The following ZNF236 variants were observed in gnomAD, a reference collection of about 807,000 sequenced individuals.
ZNF236 encodes the protein zinc finger protein 236, also known as regulated by glucose.
In ZNF236, 50 loss-of-function variants were observed where a neutral mutation model predicts 191.2. That is an observed-to-expected ratio of 0.26 (90% confidence interval 0.21 to 0.33). The LOEUF (loss-of-function observed/expected upper bound fraction) is 0.33. ZNF236 is among the 10% of genes least tolerant of loss of function. The pLI is 1.00. For missense variants in ZNF236, 1,754 were observed against 2,374.5 expected, an observed-to-expected ratio of 0.74 and a Z score of 5.43; for synonymous variants, 907 against 928.8, an observed-to-expected ratio of 0.98 and a Z score of 0.43.
At chr18:76,895,459 C>A in intron 10 of ZNF236, 174 bp downstream of exon 10, 1 of 921,032 alleles carries the variant, frequency 1.1e-6, no homozygotes, top group Non-Finnish European at 1.6e-6. Context: ...TAAGTGTGGC[C>A]CGCAATGCAG....
rs201060329 is a variant in ZNF236, at chr18:76,919,891, G to A, written c.3390G>A (p.Pro1130=). 5.7e-4 allele frequency: 920 copies of A among 1,614,214 alleles called. No homozygotes were observed. The highest frequency in any genetic ancestry group is 6.6e-4 in the Middle Eastern group (4 of 6,062). The change falls in exon 20 of 31, where the codon CCG becomes CCA. Residue 1130 remains proline (P), a synonymous_variant. Coordinates refer to ENST00000320610, the MANE Select transcript of ZNF236 (RefSeq NM_001306089.2). The surrounding 1 kb of genome is among the most constrained non-coding windows in gnomAD (Gnocchi z 5.3). ...EETAQLAKIR[P]QESATVSEKV... Reference sequence around the variant, plus strand: ...CAGCCCAGTTAGCCAAGATCCGGCCGCAGGAGAGCGCCACGGTGTCAGAGA... The same window carrying A: ...CAGCCCAGTTAGCCAAGATCCGGCCACAGGAGAGCGCCACGGTGTCAGAGA...
chr18:76,852,037 C>A, intron 3 of ZNF236, 98 bp downstream of exon 3: 1 of 1,276,270 alleles, frequency 7.8e-7, no homozygotes, highest in Non-Finnish European at 1.1e-6. Flanking sequence ...GTTTTGAAAG[C>A]CTTTTGTGTA....
intron 27 of ZNF236, among the ~76,000 whole-genome samples, chr18:76,953,808 G>A (rs922758105): frequency 2.0e-5 from 3 of 152,158 alleles, no homozygotes; most frequent in African/African-American, 7.2e-5. Flanking sequence ...GCCGGCCGCT[G>A]GACGCAGAGG....
In ZNF236 at chr18:76,919,975, G is replaced by A; in HGVS notation, c.3474G>A (p.Gln1158=). The A allele has an allele frequency of 5.6e-6, 9 of 1,614,008 alleles. No homozygotes were observed. Among genetic ancestry groups the A allele is most frequent in the Non-Finnish European group, 5.9e-6 (7 of 1,180,032 alleles). Residue 1158 remains glutamine, a synonymous_variant, in exon 20 of 31, where the codon CAG becomes CAA. Transcript: ENST00000320610. This position sits in a 1 kb window ranked among gnomAD's most constrained non-coding sequence, Gnocchi z 5.3. ...KDRISELRDK[Q]AELQDEPKHA... is the part of the protein sequence containing the mutation. ...GCATCAGTGAGCTGAGGGACAAGCA[G>A]GCGGAGCTGCAGGACGAGCCCAAGC...
chr18:76,946,209 G>A lies in ZNF236; in HGVS notation c.4783-1312G>A, dbSNP rs925922506. On this transcript the variant is annotated intron_variant, in intron 26 of 30. Coordinates refer to ENST00000320610, the MANE Select transcript of ZNF236 (RefSeq NM_001306089.2). ...TTGCTGTTCTCATGATAGTGAATAA[G>A]TCTCATGAGATCTGATGGTTATAAA... Among the ~76,000 whole-genome samples, 5 of 152,186 alleles carry A rather than the reference G, an allele frequency of 3.3e-5. No homozygotes were observed. The East Asian group carries it at 7.7e-4, about 24-fold the overall frequency.
At chr18:76,892,176 T>TTTG in intron 9 of ZNF236, among the ~76,000 whole-genome samples, 1 of 145,396 alleles carries the variant, frequency 6.9e-6, no homozygotes, top group Middle Eastern at 3.2e-3. Flanking sequence ...GGGTTTTTTT[T>TTTG]TTTTTTTTTT....
rs995365376 is a variant in ZNF236 at position 76,971,707 on chromosome 18, A to G, written c.*3368A>G. 3.3e-5 allele frequency among the ~76,000 whole-genome samples: 5 copies of G among 152,242 alleles called. No homozygotes were observed. The highest frequency in any genetic ancestry group is 7.3e-5 in the Non-Finnish European group (5 of 68,040). On this transcript the variant is annotated 3_prime_UTR_variant, in exon 31 of 31. Coordinates refer to ENST00000320610, the MANE Select transcript of ZNF236 (RefSeq NM_001306089.2). Reference sequence around the variant, plus strand: ...AGAAGAATATTTGTAACTCATTAAGATACACATTTTAACATGAAATGACCA... The same window carrying G: ...AGAAGAATATTTGTAACTCATTAAGGTACACATTTTAACATGAAATGACCA...
chr18:76,872,661 T>C (rs1976611440), intron 5 of ZNF236, among the ~76,000 whole-genome samples: 1 of 152,236 alleles, frequency 6.6e-6, no homozygotes, highest in Admixed American at 6.5e-5. Flanking sequence ...TGAATACTCT[T>C]TGCCATCTTG....
At chr18:76,936,458 AC>A (rs1384376102) in intron 25 of ZNF236, 1 of 454,250 alleles carries the variant, frequency 2.2e-6, no homozygotes, top group Admixed American at 2.4e-5. Context: ...CCCTTTCTTC[AC>A]CAGATACTTT....
rs1568233883 is a variant in ZNF236, at chr18:76,926,770, GTA to G, written c.4028-265_4028-264del. ...TAAAGGGTGATTAGACAGTGTGTGT[GTA>G]TGGTATAAAGGGTGATTAGACAGTG... On this transcript the variant is annotated intron_variant, in intron 22 of 30. Coordinates refer to ENST00000320610, the MANE Select transcript of ZNF236 (RefSeq NM_001306089.2). 9.9e-4 allele frequency among the ~76,000 whole-genome samples: 38 copies of G among 38,320 alleles called. 8 individuals carry two copies. The highest frequency in any genetic ancestry group is 1.7e-3 in the Non-Finnish European group (25 of 15,026). The allele number at this position is 38,320 out of a possible 152,430, so 25.1% of individuals were successfully genotyped here.
At chr18:76,945,315 A>C (rs1968231810) in intron 26 of ZNF236, among the ~76,000 whole-genome samples, 1 of 152,242 alleles carries the variant, frequency 6.6e-6, no homozygotes, top group Non-Finnish European at 1.5e-5. Context: ...ACAAATGTGA[A>C]TTAATAAGTC....
At chr18:76,852,003 C>A in intron 3 of ZNF236, 64 bp downstream of exon 3, 2 of 1,475,588 alleles carry the variant, frequency 1.4e-6, no homozygotes, top group Middle Eastern at 1.8e-4. Flanking sequence ...GATCATGAGT[C>A]AGGAGGATTT....
At chr18:76,837,143 C>CCCCCCCCCCCCCCCCCG (rs1975358526) in intron 1 of ZNF236, among the ~76,000 whole-genome samples, 2 of 125,874 alleles carry the variant, frequency 1.6e-5, no homozygotes, top group African/African-American at 5.7e-5. Flanking sequence ...CCCCCCCGCC[C>CCCCCCCCCCCCCCCCCG]CGCAAGCCTC....
intron 25 of ZNF236, among the ~76,000 whole-genome samples, chr18:76,930,587 A>AGTGT (rs1378856686): frequency 6.6e-6 from 1 of 152,222 alleles, no homozygotes. Context: ...CAGGCATGTT[A>AGTGT]GTGTGTACTT....
At chr18:76,961,776 G>A (rs1005829727) in intron 30 of ZNF236, among the ~76,000 whole-genome samples, 1 of 151,938 alleles carries the variant, frequency 6.6e-6, no homozygotes, top group Non-Finnish European at 1.5e-5. Flanking sequence ...TGAGTAAAAT[G>A]GTATCACATT....
At chr18:76,891,808 C>T (rs1258400165) in intron 9 of ZNF236, among the ~76,000 whole-genome samples, 1 of 152,068 alleles carries the variant, frequency 6.6e-6, no homozygotes, top group Non-Finnish European at 1.5e-5. Context: ...CTTGATCACA[C>T]TCCCAAATCG....
chr18:76,882,900 A>T (rs907952946), intron 9 of ZNF236, among the ~76,000 whole-genome samples: 1 of 152,314 alleles, frequency 6.6e-6, no homozygotes, highest in African/African-American at 2.4e-5. Context: ...TGAGAATCTG[A>T]TGCAGATTTA....
chr18:76,968,865 CTT>C lies in ZNF236; in HGVS notation c.*529_*530del. The C allele has an allele frequency of 1.2e-5, 12 of 987,364 alleles. No homozygotes were observed. The highest frequency in any genetic ancestry group is 1.4e-5 in the Non-Finnish European group (12 of 831,360). 61.2% of individuals were successfully genotyped at this position (987,364 alleles called of 1,614,324 possible). ...TTTTGAAAATTAGTCAAAATGGACT[CTT>C]TTCAGTCTACCATAAGTTAATATAA... On this transcript the variant is annotated 3_prime_UTR_variant, in exon 31 of 31. Transcript: ENST00000320610.
chr18:76,933,881 A>C lies in ZNF236; in HGVS notation c.4595-3275A>C, dbSNP rs1484946255. ...TCTCAACTGTATAGTAGTAGTTAGG[A>C]GATTGCCTCTTAGTGAGCAATATTT... On this transcript the variant is annotated intron_variant, in intron 25 of 30. Transcript: ENST00000320610. Among the ~76,000 whole-genome samples, 13 of 152,318 alleles carry C rather than the reference A, an allele frequency of 8.5e-5. No homozygotes were observed. In the East Asian group the frequency reaches 1.5e-3, roughly 18 times the overall value.
Sources: allele counts gnomAD v4.1 joint callset (sites outside exome capture counted in the v4.1 genomes callset), GRCh38; gene constraint gnomAD v4.1.1; non-coding constraint Gnocchi (gnomAD v3.1); transcripts MANE v1.5; gene names NCBI Gene and HGNC (gene_info 2026-07-23, HGNC 2026-07-21).